CDKAL1: variants seen among roughly 807,000 people sequenced by gnomAD.
The protein encoded by CDKAL1 is threonylcarbamoyladenosine tRNA methylthiotransferase.
CDKAL1 carries 32 observed loss-of-function variants against 68.2 expected under a neutral mutation model. The ratio of observed to expected loss-of-function variants is 0.47; its 90% CI spans 0.35 to 0.63. The LOEUF (loss-of-function observed/expected upper bound fraction) is 0.63, where lower values mean the gene tolerates loss of function less well. CDKAL1 is among the 30% of genes least tolerant of loss of function. The pLI is 0.00. For missense variants in CDKAL1, 606 were observed against 696.7 expected (o/e 0.87, Z 1.47); for synonymous variants, 234 against 244.3 (o/e 0.96, Z 0.39).
At position 21,201,418 on chromosome 6, in the gene CDKAL1, A is replaced by G. The variant is rs77942861; in HGVS notation, c.1548+144A>G. 310 of 615,192 alleles carry G rather than the reference A, an allele frequency of 5.0e-4. 4 individuals are homozygous for G. In the East Asian group the frequency reaches 9.2e-3, roughly 18 times the overall value. The allele number at this position is 615,192 out of a possible 1,614,324, so 38.1% of individuals were successfully genotyped here. A position where few individuals can be genotyped will look rare whatever the true frequency, so the allele number is the denominator to read the frequency against. ...CTTTAATCCTTTCTGACAGATTGAA[A>G]TCTGAATTAGAAAGATGTGTTTTTG... is the stretch of plus-strand genomic sequence containing the variant. On this transcript the variant is annotated intron_variant, in intron 15 of 15. Coordinates refer to ENST00000274695, the MANE Select transcript of CDKAL1 (RefSeq NM_017774.3).
At chr6:20,912,167 A>T (rs1031154434) in intron 9 of CDKAL1, among the ~76,000 whole-genome samples, 2 of 151,994 alleles carry the variant, frequency 1.3e-5, no homozygotes, top group African/African-American at 4.8e-5. Flanking sequence ...TACCAATTTT[A>T]TTATTGTTTC....
intron 11 of CDKAL1, among the ~76,000 whole-genome samples, chr6:21,054,792 T>G (rs971645294): frequency 1.5e-4 from 23 of 152,208 alleles, no homozygotes; most frequent in Admixed American, 5.2e-4. Context: ...AAAATGTAAT[T>G]GATTTTTATA....
rs181200007 is a variant in CDKAL1, at chr6:20,568,052, A to G, written c.286+19347A>G. ...CACCACGCCCGGCTAATTTTTTTGT[A>G]CTTTTAGTAGAGACGGGGGTTTCAC... On this transcript the variant is annotated intron_variant, in intron 4 of 15. Transcript: ENST00000274695. Among the ~76,000 whole-genome samples, 1,053 of 151,830 alleles carry G rather than the reference A, an allele frequency of 6.9e-3. 9 individuals carry two copies. Among genetic ancestry groups the G allele is most frequent in the Non-Finnish European group, 0.011 (743 of 67,892 alleles).
At chr6:21,176,588 G>A (rs1777580583) in intron 13 of CDKAL1, among the ~76,000 whole-genome samples, 1 of 151,974 alleles carries the variant, frequency 6.6e-6, no homozygotes, top group Non-Finnish European at 1.5e-5. Flanking sequence ...GTACACGTGT[G>A]CTAGAATGTG....
chr6:20,723,760 A>G (rs1562054651), intron 5 of CDKAL1: 1 of 152,200 alleles, frequency 6.6e-6, no homozygotes, highest in Non-Finnish European at 1.5e-5. Flanking sequence ...CTTTTTGATT[A>G]TGCAGAATTA....
intron 4 of CDKAL1, among the ~76,000 whole-genome samples, chr6:20,613,302 T>A (rs1244168918): frequency 9.0e-6 from 1 of 110,562 alleles, no homozygotes; most frequent in East Asian, 3.0e-4. Context: ...TGAGACGGAG[T>A]CTCGCTCTGT....
intron 15 of CDKAL1, among the ~76,000 whole-genome samples, chr6:21,225,549 T>C (rs1779709176): frequency 6.6e-6 from 1 of 152,212 alleles, no homozygotes; most frequent in Non-Finnish European, 1.5e-5. Flanking sequence ...CCAGGCACTC[T>C]GCCCGGCTGT....
At chr6:21,218,143 A>T (rs1303241087) in intron 15 of CDKAL1, among the ~76,000 whole-genome samples, 1 of 152,206 alleles carries the variant, frequency 6.6e-6, no homozygotes. Context: ...TAGCCAGGTA[A>T]ATATTTAATA....
chr6:20,989,152 C>T (rs189883826), intron 10 of CDKAL1, among the ~76,000 whole-genome samples: 9 of 152,024 alleles, frequency 5.9e-5, no homozygotes, highest in Non-Finnish European at 1.2e-4. Context: ...AAAAAAATAC[C>T]TATGTCATAG....
intron 11 of CDKAL1, among the ~76,000 whole-genome samples, chr6:21,063,097 T>C (rs1771233915): frequency 6.6e-6 from 1 of 152,106 alleles, no homozygotes; most frequent in African/African-American, 2.4e-5. Context: ...GTATTTTTAG[T>C]AGAGACAGGG....
intron 5 of CDKAL1, among the ~76,000 whole-genome samples, chr6:20,703,524 T>G (rs944601779): frequency 6.6e-6 from 1 of 152,156 alleles, no homozygotes; most frequent in African/African-American, 2.4e-5. Context: ...TTGTGATTCA[T>G]TTAAAAAATA....
chr6:21,105,477 C>T (rs955987486), intron 12 of CDKAL1, among the ~76,000 whole-genome samples: 2 of 152,098 alleles, frequency 1.3e-5, no homozygotes, highest in African/African-American at 4.8e-5. Flanking sequence ...AAAGACAGCT[C>T]TGAAATAGGG....
At chr6:21,041,824 A>C (rs987370600) in intron 11 of CDKAL1, among the ~76,000 whole-genome samples, 5 of 152,194 alleles carry the variant, frequency 3.3e-5, no homozygotes, top group African/African-American at 9.6e-5. Flanking sequence ...CATCAAATAA[A>C]AGTCCAAAGA....
chr6:20,575,105 A>C (rs1235825013), intron 4 of CDKAL1, among the ~76,000 whole-genome samples: 1 of 151,812 alleles, frequency 6.6e-6, no homozygotes, highest in Non-Finnish European at 1.5e-5. Context: ...GTGAAAATTA[A>C]AAAAAAATAA....
chr6:20,714,054 A>G (rs1771969535), intron 5 of CDKAL1, among the ~76,000 whole-genome samples: 1 of 152,114 alleles, frequency 6.6e-6, no homozygotes, highest in African/African-American at 2.4e-5. Flanking sequence ...GTCAAGATAG[A>G]CTTATACTTA....
At chr6:20,901,867 C>G (rs1761999315) in intron 9 of CDKAL1, among the ~76,000 whole-genome samples, 1 of 151,734 alleles carries the variant, frequency 6.6e-6, no homozygotes. Flanking sequence ...ACCTCTGCCT[C>G]CCGGGCTCAA....
intron 13 of CDKAL1, among the ~76,000 whole-genome samples, chr6:21,120,809 T>G (rs1471862073): frequency 1.3e-5 from 2 of 152,194 alleles, no homozygotes; most frequent in Non-Finnish European, 2.9e-5. Context: ...TAGCTGTATA[T>G]ATTATATACC....
chr6:20,850,176 G>A (rs1444872736), intron 9 of CDKAL1, among the ~76,000 whole-genome samples: 3 of 152,094 alleles, frequency 2.0e-5, no homozygotes, highest in South Asian at 2.1e-4. Context: ...TTTATGAAAA[G>A]TTACTCTATA....
chr6:20,781,095 A>T (rs748176104), intron 7 of CDKAL1, 50 bp from the exon 8 acceptor site: 8 of 1,573,700 alleles, frequency 5.1e-6, no homozygotes, highest in Non-Finnish European at 6.9e-6. Flanking sequence ...GTTAAGTTAC[A>T]GTGAAGTGTG....
Sources: gnomAD v4.1 joint callset for allele counts (sites outside exome capture counted in the v4.1 genomes callset) on GRCh38, gnomAD v4.1.1 for gene constraint, MANE v1.5 for transcripts, NCBI Gene and HGNC (gene_info 2026-07-23, HGNC 2026-07-21) for gene names.